DLGAP1: variants seen among roughly 807,000 people sequenced by gnomAD.
DLGAP1 encodes disks large-associated protein 1.
DLGAP1 carries 11 observed loss-of-function variants against 90.8 expected under a neutral mutation model. The observed-to-expected ratio is 0.12, with a 90% CI of 0.08 to 0.20. DLGAP1 has a LOEUF of 0.20. DLGAP1 is among the 10% of genes least tolerant of loss of function. DLGAP1 has a pLI of 1.00. For synonymous variants in DLGAP1, 558 were observed against 540.7 expected (o/e 1.03, Z -0.44); for missense variants, 1,050 against 1,333.8 (o/e 0.79, Z 3.31).
intron 1 of DLGAP1, among the ~76,000 whole-genome samples, chr18:4,155,802 G>C (rs947794689): frequency 6.6e-6 from 1 of 152,112 alleles, no homozygotes; most frequent in Non-Finnish European, 1.5e-5. Flanking sequence ...AGAGTGAAAA[G>C]GGGGCCATGG....
intron 2 of DLGAP1, among the ~76,000 whole-genome samples, chr18:4,039,523 G>A (rs1209404390): frequency 6.6e-6 from 1 of 151,950 alleles, no homozygotes; most frequent in Non-Finnish European, 1.5e-5. Context: ...AAAATGTGAA[G>A]CAAAATATAA....
chr18:4,435,520 A>T (rs2083380987), intron 1 of DLGAP1, among the ~76,000 whole-genome samples: 1 of 152,210 alleles, frequency 6.6e-6, no homozygotes, highest in South Asian at 2.1e-4. Flanking sequence ...GGAAATAGAA[A>T]GTTAAAATGG....
At chr18:3,679,549 A>G (rs186277256) in intron 7 of DLGAP1, among the ~76,000 whole-genome samples, 174 of 151,058 alleles carry the variant, frequency 1.2e-3, no homozygotes, top group African/African-American at 3.9e-3. Flanking sequence ...CCAGTGGCCT[A>G]CCTCTTATGG....
chr18:3,710,009 C>T (rs2061551442), intron 7 of DLGAP1, among the ~76,000 whole-genome samples: 2 of 152,210 alleles, frequency 1.3e-5, no homozygotes, highest in Admixed American at 6.5e-5. Flanking sequence ...GCTACTCCTA[C>T]AGCCAATGAG....
At chr18:3,731,191 A>ATATATG (rs1281534220) in intron 6 of DLGAP1, among the ~76,000 whole-genome samples, 4 of 151,960 alleles carry the variant, frequency 2.6e-5, no homozygotes, top group Non-Finnish European at 4.4e-5. Context: ...CATATATATA[A>ATATATG]TATATGTATA....
intron 2 of DLGAP1, among the ~76,000 whole-genome samples, chr18:4,097,610 G>A (rs191798783): frequency 5.8e-4 from 89 of 152,242 alleles, no homozygotes; most frequent in African/African-American, 2.1e-3. Flanking sequence ...CAATGGCAGT[G>A]CAACAGATAG....
intron 1 of DLGAP1, among the ~76,000 whole-genome samples, chr18:4,322,972 A>G (rs2080733855): frequency 6.6e-6 from 1 of 150,436 alleles, no homozygotes; most frequent in South Asian, 2.1e-4. Context: ...AAAAAAAGGA[A>G]AAAGCTACTG....
chr18:4,322,950 A>ACC (rs2080731469), intron 1 of DLGAP1, among the ~76,000 whole-genome samples: 2 of 94,050 alleles, frequency 2.1e-5, no homozygotes, highest in South Asian at 3.3e-4. Flanking sequence ...ACAGAAAAAA[A>ACC]AAAAAAAAAA....
At chr18:3,576,651 G>GCCT (rs1343334608) in intron 8 of DLGAP1, among the ~76,000 whole-genome samples, 14 of 148,928 alleles carry the variant, frequency 9.4e-5, no homozygotes, top group African/African-American at 3.5e-4. Flanking sequence ...TGCAACCTTC[G>GCCT]CCTCCCAGGT....
At chr18:4,427,184 AC>A (rs777659063) in intron 1 of DLGAP1, among the ~76,000 whole-genome samples, 9 of 152,308 alleles carry the variant, frequency 5.9e-5, no homozygotes, top group East Asian at 3.9e-4. Flanking sequence ...GAGCAGAGAG[AC>A]TGTTCCCGTG....
chr18:4,237,962 C>T (rs753303792), intron 1 of DLGAP1, among the ~76,000 whole-genome samples: 14 of 152,104 alleles, frequency 9.2e-5, no homozygotes, highest in Non-Finnish European at 2.1e-4. Context: ...TCTGTAGATG[C>T]CATATGCCAT....
rs375156295 is a variant in DLGAP1 at position 3,589,048 on chromosome 18, C to T, written c.1592-6800G>A. Among the ~76,000 whole-genome samples the T allele has an allele frequency of 3.9e-4, 59 of 151,862 alleles. 1 individual carries two copies. The South Asian group carries it at 1.0e-2, about 26-fold the overall frequency. On this transcript the variant is annotated intron_variant, in intron 7 of 12. Transcript: ENST00000315677. ...AATATATAAAAAAAAATTAACCCAG[C>T]GTGGTGGCAGGCGCCTGTAATCCCA...
At chr18:3,626,594 TA>T (rs1555606655) in intron 7 of DLGAP1, among the ~76,000 whole-genome samples, 188 of 130,512 alleles carry the variant, frequency 1.4e-3, no homozygotes, top group Middle Eastern at 4.2e-3. Flanking sequence ...AAGAACCTGT[TA>T]AAAAAAAAAA....
intron 1 of DLGAP1, among the ~76,000 whole-genome samples, chr18:4,200,543 TCCTAATATTTATA>T (rs1395836549): frequency 1.3e-5 from 2 of 151,616 alleles, no homozygotes; most frequent in Admixed American, 6.6e-5. Context: ...ATTTTGCTGT[TCCTAATATTTATA>T]CCTAATATTT....
rs1317440537 is a variant in DLGAP1 at position 3,994,771 on chromosome 18, T to C, written c.-73+10345A>G. Among the ~76,000 whole-genome samples the C allele has an allele frequency of 3.9e-5, 6 of 152,200 alleles. No individual in the cohort carries two copies. In the East Asian group the frequency reaches 9.6e-4, roughly 24 times the overall value. ...ATAAAGTCCAAAAAGACTTCAAGAA[T>C]TGTTCAAAACTAAATAATGTCAACT... On this transcript the variant is annotated intron_variant, in intron 3 of 12. Transcript: ENST00000315677.
chr18:4,405,270 C>A (rs893809603), intron 1 of DLGAP1, among the ~76,000 whole-genome samples: 1 of 152,128 alleles, frequency 6.6e-6, no homozygotes, highest in African/African-American at 2.4e-5. Flanking sequence ...CAGAGGGCAA[C>A]GTGGTGGTCC....
At chr18:4,362,650 G>A (rs987293111) in intron 1 of DLGAP1, among the ~76,000 whole-genome samples, 1 of 152,142 alleles carries the variant, frequency 6.6e-6, no homozygotes, top group Non-Finnish European at 1.5e-5. Flanking sequence ...CCCTGGAGAT[G>A]GACGGTGGTG....
intron 4 of DLGAP1, among the ~76,000 whole-genome samples, chr18:3,860,862 C>T (rs2148735638): frequency 6.6e-6 from 1 of 152,268 alleles, no homozygotes; most frequent in South Asian, 2.1e-4. Flanking sequence ...CGTTATACTC[C>T]CATAGAAATA....
chr18:4,009,684 T>A lies in DLGAP1; in HGVS notation c.-158-4483A>T, dbSNP rs147663373. 3.0e-3 allele frequency among the ~76,000 whole-genome samples: 461 copies of A among 152,314 alleles called. 3 individuals carry two copies. The highest frequency in any genetic ancestry group is 0.017 in the South Asian group (83 of 4,820). On this transcript the variant is annotated intron_variant, in intron 2 of 12. Coordinates refer to ENST00000315677, the MANE Select transcript of DLGAP1 (RefSeq NM_004746.4). Reference sequence around the variant, plus strand: ...CTATTGGAAGTAGAAAATATTTGCATAATAACAAACGGAAGTTATGCCATG... The same window carrying A: ...CTATTGGAAGTAGAAAATATTTGCAAAATAACAAACGGAAGTTATGCCATG...
Sources: gnomAD v4.1 joint callset for allele counts (sites outside exome capture counted in the v4.1 genomes callset) on GRCh38, gnomAD v4.1.1 for gene constraint, MANE v1.5 for transcripts, NCBI Gene and HGNC (gene_info 2026-07-23, HGNC 2026-07-21) for gene names.